Variants in PAPPA observed in about 807,000 individuals in gnomAD.
The protein encoded by PAPPA is pappalysin-1.
In PAPPA, 60 loss-of-function variants were observed where a neutral mutation model predicts 164.0. The ratio of observed to expected loss-of-function variants is 0.37; its 90% CI spans 0.30 to 0.45. The LOEUF (loss-of-function observed/expected upper bound fraction) is 0.45. Ranked by LOEUF, PAPPA falls within the 20% of genes least tolerant of loss-of-function variation. The pLI is 1.00. For synonymous variants in PAPPA, 875 were observed against 814.1 expected (o/e 1.07, Z -1.27); for missense variants, 1,782 against 2,087.3 (o/e 0.85, Z 2.85).
chr9:116,264,408 C>T (rs1004944749), intron 7 of PAPPA, among the ~76,000 whole-genome samples: 2 of 152,232 alleles, frequency 1.3e-5, no homozygotes, highest in Non-Finnish European at 2.9e-5. Context: ...ACAATATTAG[C>T]AGTTCCAGTG....
rs188449232 is a variant in PAPPA at position 116,241,350 on chromosome 9, G to C, written c.2732+5713G>C. 2.0e-5 allele frequency among the ~76,000 whole-genome samples: 3 copies of C among 152,306 alleles called. No homozygotes were observed. In the East Asian group the frequency reaches 5.8e-4, roughly 29 times the overall value. On this transcript the variant is annotated intron_variant, in intron 7 of 21. Transcript: ENST00000328252. ...AAGCATGTTATTATATAATATCCCA[G>C]TTGGAAAAGATTTAGTGATTTTTAG...
Position 116,220,167 on chromosome 9 carries a change from T to G in PAPPA, c.2111+38T>G, listed in dbSNP as rs147677353. Reference sequence around the variant, plus strand: ...TGTGTAGTGTTGATCCCTCTCTCTCTCTCCTGCCAAGAAGAAGGAAACTTG... The same window carrying G: ...TGTGTAGTGTTGATCCCTCTCTCTCGCTCCTGCCAAGAAGAAGGAAACTTG... On this transcript the variant is annotated intron_variant, in intron 5 of 21. Transcript: ENST00000328252. The G allele has an allele frequency of 6.7e-3, 9,849 of 1,472,232 alleles. 49 individuals carry two copies. Among genetic ancestry groups the G allele is most frequent in the Admixed American group, 0.012 (628 of 54,024 alleles). The allele number at this position is 1,472,232 out of a possible 1,614,324, so 91.2% of individuals were successfully genotyped here.
At chr9:116,189,135 C>G (rs1290314448) in intron 2 of PAPPA, among the ~76,000 whole-genome samples, 1 of 152,106 alleles carries the variant, frequency 6.6e-6, no homozygotes, top group African/African-American at 2.4e-5. Context: ...TAGAACAAAT[C>G]TAGAGATCTA....
At chr9:116,303,038 C>A in intron 10 of PAPPA, 88 bp downstream of exon 10, 1 of 1,065,918 alleles carries the variant, frequency 9.4e-7, no homozygotes, top group Non-Finnish European at 1.4e-6. Flanking sequence ...AAGGCAGTGT[C>A]ATTGGCTATA....
At position 116,222,745 on chromosome 9, in the gene PAPPA, G is replaced by A. The variant is rs199876661; in HGVS notation, c.2111+2616G>A. On this transcript the variant is annotated intron_variant, in intron 5 of 21. Coordinates refer to ENST00000328252, the MANE Select transcript of PAPPA (RefSeq NM_002581.5). ...ATCAAAGGGCATAAAGTTTCAGGTA[G>A]ATGGGAGGAATAAGCTTTAGTGATC... 5.3e-5 allele frequency among the ~76,000 whole-genome samples: 8 copies of A among 152,296 alleles called. No individual in the cohort carries two copies. In the East Asian group the frequency reaches 9.7e-4, roughly 18 times the overall value.
chr9:116,276,918 G>A (rs1845206478), intron 9 of PAPPA, among the ~76,000 whole-genome samples: 1 of 152,148 alleles, frequency 6.6e-6, no homozygotes, highest in Non-Finnish European at 1.5e-5. Flanking sequence ...AGGGGCAGGG[G>A]TTCACCGAGC....
chr9:116,202,892 ATT>A (rs943784106), intron 2 of PAPPA, among the ~76,000 whole-genome samples: 1 of 152,140 alleles, frequency 6.6e-6, no homozygotes, highest in Non-Finnish European at 1.5e-5. Context: ...ACTCAGCGAC[ATT>A]TTTCTTTAAA....
chr9:116,391,780 G>A (rs2118727896), intron 21 of PAPPA, among the ~76,000 whole-genome samples: 1 of 152,320 alleles, frequency 6.6e-6, no homozygotes, highest in South Asian at 2.1e-4. Flanking sequence ...TAGCCACATG[G>A]TGCTGAGAAT....
chr9:116,233,889 G>GA (rs953178378), intron 6 of PAPPA, among the ~76,000 whole-genome samples: 1 of 150,116 alleles, frequency 6.7e-6, no homozygotes, highest in South Asian at 2.1e-4. Context: ...TGAGGCTGAA[G>GA]AAAAAAAAAG....
At chr9:116,234,896 T>A (rs1844641021) in intron 6 of PAPPA, among the ~76,000 whole-genome samples, 1 of 152,116 alleles carries the variant, frequency 6.6e-6, no homozygotes, top group South Asian at 2.1e-4. Context: ...ATTGACTCGG[T>A]AGTGAGATGA....
rs1554741296 is a variant in PAPPA at position 116,231,766 on chromosome 9, C to CTTTTTTCTTTTT, written c.2234-3367_2234-3366insCTTTTTTTTTTT. Among the ~76,000 whole-genome samples, 5 of 57,524 alleles carry CTTTTTTCTTTTT rather than the reference C, an allele frequency of 8.7e-5. 1 individual carries two copies. The highest frequency in any genetic ancestry group is 9.0e-4 in the East Asian group (1 of 1,114). 37.7% of individuals were successfully genotyped at this position (57,524 alleles called of 152,430 possible). ...GTGGTTTTTCTTTTCTTTTCTTTTT[C>CTTTTTTCTTTTT]TTTTTTTTTTTTGAGATGGAGTTTC... is the stretch of plus-strand genomic sequence containing the variant. On this transcript the variant is annotated intron_variant, in intron 6 of 21. Coordinates refer to ENST00000328252, the MANE Select transcript of PAPPA (RefSeq NM_002581.5).
At chr9:116,290,415 A>G (rs1845421761) in intron 9 of PAPPA, among the ~76,000 whole-genome samples, 1 of 150,024 alleles carries the variant, frequency 6.7e-6, no homozygotes, top group Admixed American at 6.7e-5. Flanking sequence ...TGATTTAGTG[A>G]TCAAAGGGCA....
chr9:116,311,056 CTTTTTT>C (rs56043415), intron 10 of PAPPA, among the ~76,000 whole-genome samples: 1 of 120,446 alleles, frequency 8.3e-6, no homozygotes, highest in African/African-American at 3.0e-5. Flanking sequence ...AACATGTGGA[CTTTTTT>C]TTTTTTTTTT....
At chr9:116,308,817 G>T (rs1845679560) in intron 10 of PAPPA, among the ~76,000 whole-genome samples, 1 of 152,156 alleles carries the variant, frequency 6.6e-6, no homozygotes, top group African/African-American at 2.4e-5. Context: ...TTTCCAGAGA[G>T]TTTTCTAAAA....
intron 21 of PAPPA, among the ~76,000 whole-genome samples, chr9:116,384,098 GTTTT>G (rs1273569774): frequency 6.6e-6 from 1 of 151,854 alleles, no homozygotes; most frequent in Non-Finnish European, 1.5e-5. Flanking sequence ...GTTTTGCTTA[GTTTT>G]GTTTACTTAG....
rs1365158907 is a variant in PAPPA, at chr9:116,181,282, G to C, written c.416-5872G>C. Among the ~76,000 whole-genome samples the C allele has an allele frequency of 3.3e-5, 5 of 152,226 alleles. No individual in the cohort carries two copies. In the East Asian group the frequency reaches 9.7e-4, roughly 29 times the overall value. On this transcript the variant is annotated intron_variant, in intron 1 of 21. Transcript: ENST00000328252. ...TTTCTTAAAATTCTGGAGATCAAAA[G>C]TCCAAGATCAAGGTGTCAGCCAGGT...
chr9:116,204,262 C>T (rs138177535), intron 2 of PAPPA, among the ~76,000 whole-genome samples: 39 of 152,262 alleles, frequency 2.6e-4, no homozygotes, highest in Non-Finnish European at 5.4e-4. Context: ...ACAGATTAAG[C>T]TACAGATTAA....
chr9:116,212,368 C>T (rs2118686735), intron 4 of PAPPA, among the ~76,000 whole-genome samples: 2 of 152,154 alleles, frequency 1.3e-5, no homozygotes, highest in South Asian at 4.2e-4. Context: ...TTGAGTACCA[C>T]TAGTAACAGT....
At chr9:116,170,086 G>A (rs1843759042) in intron 1 of PAPPA, among the ~76,000 whole-genome samples, 1 of 152,044 alleles carries the variant, frequency 6.6e-6, no homozygotes, top group South Asian at 2.1e-4. Context: ...AAAAATTTGA[G>A]GTTGTGCATA....
Sources: allele counts gnomAD v4.1 joint callset (sites outside exome capture counted in the v4.1 genomes callset), GRCh38; gene constraint gnomAD v4.1.1; transcripts MANE v1.5; gene names NCBI Gene and HGNC (gene_info 2026-07-23, HGNC 2026-07-21).